The following WDR89 variants were observed in gnomAD, a reference collection of about 807,000 sequenced individuals.
WDR89 encodes WD repeat-containing protein 89.
WDR89 carries 17 observed loss-of-function variants against 29.1 expected under a neutral mutation model. The ratio of observed to expected loss-of-function variants is 0.58; its 90% confidence interval spans 0.40 to 0.88. The LOEUF is 0.88. Ranked by LOEUF, WDR89 falls within the 40% of genes least tolerant of loss-of-function variation. WDR89 has a pLI of 0.00. For missense variants in WDR89, 396 were observed against 456.3 expected, an observed-to-expected ratio of 0.87 and a Z score of 1.20; for synonymous variants, 138 against 157.8, an observed-to-expected ratio of 0.87 and a Z score of 0.94.
chr14:63,627,746 TTTC>T (rs1183516489), intron 1 of WDR89, among the ~76,000 whole-genome samples: 2 of 152,146 alleles, frequency 1.3e-5, no homozygotes, highest in Non-Finnish European at 2.9e-5. Context: ...TAAAAGCTCA[TTTC>T]TTCTTATAAG....
chr14:63,618,094 T>G (rs569838061), intron 2 of WDR89: 17 of 152,264 alleles, frequency 1.1e-4, no homozygotes, highest in African/African-American at 4.1e-4. Context: ...CAGATTAGCA[T>G]GACCCCTGCA....
rs57605983 is a variant in WDR89 at position 63,608,666 on chromosome 14, GCACA to G, written c.-31-8697_-31-8694del. 2.2e-3 allele frequency among the ~76,000 whole-genome samples: 320 copies of G among 144,708 alleles called. 1 individual carries two copies. Among genetic ancestry groups the G allele is most frequent in the African/African-American group, 6.6e-3 (263 of 39,824 alleles). The allele number at this position is 144,708 out of a possible 152,430, so 94.9% of individuals were successfully genotyped here. A position where few individuals can be genotyped will look rare whatever the true frequency, so the allele number is the denominator to read the frequency against. ...ACAAAAACCAGCCAGTGTGGTGCATGCACACACACACACACACACACACACACAC... is the reference window on the plus strand; with the variant it reads ...ACAAAAACCAGCCAGTGTGGTGCATGCACACACACACACACACACACACAC... On this transcript the variant is annotated intron_variant, in intron 2 of 2. Coordinates refer to ENST00000620954, the MANE Select transcript of WDR89 (RefSeq NM_080666.4).
chr14:63,605,613 C>A (rs1006677786), intron 2 of WDR89, among the ~76,000 whole-genome samples: 1 of 152,170 alleles, frequency 6.6e-6, no homozygotes, highest in Admixed American at 6.6e-5. Flanking sequence ...GCATATGCCA[C>A]AATGCCCAGC....
intron 1 of WDR89, among the ~76,000 whole-genome samples, chr14:63,630,474 C>T (rs1034385530): frequency 1.1e-4 from 17 of 151,714 alleles, no homozygotes; most frequent in African/African-American, 4.1e-4. Context: ...GAAACCCCGT[C>T]TCTACTAAAA....
At chr14:63,622,003 G>A (rs2139541995) in intron 2 of WDR89, 1 of 152,298 alleles carries the variant, frequency 6.6e-6, no homozygotes, top group East Asian at 1.9e-4. Flanking sequence ...TTGACATAAA[G>A]AAATAAAGAG....
chr14:63,641,142 A>C (rs1250732332), intron 1 of WDR89, among the ~76,000 whole-genome samples: 1 of 151,996 alleles, frequency 6.6e-6, no homozygotes, highest in Non-Finnish European at 1.5e-5. Context: ...AACAAAAAAG[A>C]AAACAGGAGC....
chr14:63,624,730 T>A (rs771597553), intron 2 of WDR89, among the ~76,000 whole-genome samples, 198 bp downstream of exon 2: 30 of 152,140 alleles, frequency 2.0e-4, no homozygotes, highest in Non-Finnish European at 3.2e-4. Flanking sequence ...ATATTAGTCA[T>A]CAGGGATATG....
At chr14:63,600,972 G>C (rs1014028888) in intron 2 of WDR89, among the ~76,000 whole-genome samples, 1 of 152,062 alleles carries the variant, frequency 6.6e-6, no homozygotes, top group Admixed American at 6.6e-5. Flanking sequence ...AAGAGTCAGA[G>C]GAAGAGGTTC....
At chr14:63,608,387 T>A (rs891563249) in intron 2 of WDR89, among the ~76,000 whole-genome samples, 1 of 151,888 alleles carries the variant, frequency 6.6e-6, no homozygotes, top group Admixed American at 6.6e-5. Context: ...TCAAAAAAAA[T>A]AAATAAATCA....
intron 2 of WDR89, among the ~76,000 whole-genome samples, chr14:63,616,312 A>G (rs1485675635): frequency 6.6e-6 from 1 of 152,182 alleles, no homozygotes; most frequent in Non-Finnish European, 1.5e-5. Context: ...AGGTTATGAC[A>G]TGACAGGCCT....
intron 2 of WDR89, among the ~76,000 whole-genome samples, chr14:63,612,160 C>G (rs1242903201): frequency 1.3e-5 from 2 of 152,088 alleles, no homozygotes; most frequent in Admixed American, 1.3e-4. Context: ...TGAGATGATT[C>G]TAGCAGGCCA....
At chr14:63,605,897 T>G (rs1895300200) in intron 2 of WDR89, among the ~76,000 whole-genome samples, 1 of 152,202 alleles carries the variant, frequency 6.6e-6, no homozygotes, top group Non-Finnish European at 1.5e-5. Context: ...CAACTCCATG[T>G]GTTATTGCTC....
rs780342333 is a variant in WDR89, at chr14:63,599,405, G to C, written c.538C>G (p.Pro180Ala). ...GAGACTACCATGTTGGGATTGCTGG[G>C]ATGGAAACGTACTTGAGTGACATCA... is the stretch of plus-strand genomic sequence containing the variant. ...SDDVTQVRFH[P>A]SNPNMVVSGS... is the part of the protein sequence containing the mutation. The change falls in exon 3 of 3, where the codon CCC becomes GCC. Residue 180 changes from proline (P) to alanine (A), a missense_variant. Coordinates refer to ENST00000620954, the MANE Select transcript of WDR89 (RefSeq NM_080666.4). 13 of 1,614,162 alleles carry C rather than the reference G, an allele frequency of 8.1e-6. No homozygotes were observed. Among genetic ancestry groups the C allele is most frequent in the Non-Finnish European group, 1.0e-5 (12 of 1,180,034 alleles).
At chr14:63,638,150 A>T (rs2139583552) in intron 1 of WDR89, among the ~76,000 whole-genome samples, 1 of 152,146 alleles carries the variant, frequency 6.6e-6, no homozygotes, top group Admixed American at 6.5e-5. Flanking sequence ...TTGCCATGTT[A>T]GCCAGGCTGG....
At chr14:63,600,913 G>C (rs531951103) in intron 2 of WDR89, among the ~76,000 whole-genome samples, 1 of 151,982 alleles carries the variant, frequency 6.6e-6, no homozygotes, top group South Asian at 2.1e-4. Flanking sequence ...TGTTATCACC[G>C]TGGCCCAATA....
intron 2 of WDR89, among the ~76,000 whole-genome samples, chr14:63,609,391 T>C (rs1217078570): frequency 6.6e-6 from 1 of 152,178 alleles, no homozygotes; most frequent in African/African-American, 2.4e-5. Context: ...ATGAACACAA[T>C]ATCAAATAAA....
intron 2 of WDR89, among the ~76,000 whole-genome samples, chr14:63,624,220 C>T (rs1882890665): frequency 6.6e-6 from 1 of 152,194 alleles, no homozygotes; most frequent in South Asian, 2.1e-4. Flanking sequence ...ATAATCCCAG[C>T]ACTTTGGGAG....
Position 63,599,893 on chromosome 14 carries a change from G to A in WDR89, c.50C>T (p.Ser17Phe). The change falls in exon 3 of 3, where the codon TCC becomes TTC. Residue 17 changes from serine (S) to phenylalanine (F), a missense_variant. By Grantham distance (155) the Ser-to-Phe change is radical. Coordinates refer to ENST00000620954, the MANE Select transcript of WDR89 (RefSeq NM_080666.4). The part of the protein sequence containing the change: ...QFANLHIVKC[S>F]LGTKEPTYLL... Reference sequence around the variant, plus strand: ...GTAAGTGGGCTCTTTGGTTCCTAAGGAACATTTAACAATGTGCAGATTAGC... The same window carrying A: ...GTAAGTGGGCTCTTTGGTTCCTAAGAAACATTTAACAATGTGCAGATTAGC... 1 of 1,613,278 alleles carries A rather than the reference G, an allele frequency of 6.2e-7. No individual in the cohort carries two copies. The highest frequency in any genetic ancestry group is 8.5e-7 in the Non-Finnish European group (1 of 1,179,614).
intron 2 of WDR89, among the ~76,000 whole-genome samples, chr14:63,617,839 T>C (rs544661906): frequency 5.3e-5 from 8 of 152,258 alleles, no homozygotes; most frequent in African/African-American, 1.7e-4. Flanking sequence ...ACAATGTGGA[T>C]GAATCTCAGA....
Sources: allele counts gnomAD v4.1 joint callset (sites outside exome capture counted in the v4.1 genomes callset), GRCh38; gene constraint gnomAD v4.1.1; transcripts MANE v1.5; gene names NCBI Gene and HGNC (gene_info 2026-07-23, HGNC 2026-07-21).